The following CREM variants were observed in gnomAD, a reference collection of about 807,000 sequenced individuals.
The protein encoded by CREM is cAMP-responsive element modulator.
CREM carries 13 observed loss-of-function variants against 37.3 expected under a neutral mutation model. The ratio of observed to expected loss-of-function variants is 0.35; its 90% CI spans 0.23 to 0.55. The LOEUF (loss-of-function observed/expected upper bound fraction) is 0.55. Among genes scored for constraint, CREM ranks in the 20% least tolerant of loss-of-function variants. CREM has a pLI of 0.88. For missense variants in CREM, 296 were observed against 362.3 expected, an observed-to-expected ratio of 0.82 and a Z score of 1.49; for synonymous variants, 124 against 120.2, an observed-to-expected ratio of 1.03 and a Z score of -0.21.
chr10:35,135,134 T>G (rs2090228404), intron 1 of CREM, among the ~76,000 whole-genome samples: 1 of 152,194 alleles, frequency 6.6e-6, no homozygotes, highest in South Asian at 2.1e-4. Flanking sequence ...TGCCAACTGT[T>G]GTTTTTGTAA....
At chr10:35,138,967 T>G (rs1319425827) in intron 2 of CREM, among the ~76,000 whole-genome samples, 3 of 152,052 alleles carry the variant, frequency 2.0e-5, no homozygotes, top group Non-Finnish European at 4.4e-5. Context: ...TTTTATTAAT[T>G]TGGATCCCAG....
chr10:35,171,699 A>G (rs2093828541), intron 3 of CREM, among the ~76,000 whole-genome samples: 1 of 152,222 alleles, frequency 6.6e-6, no homozygotes, highest in Admixed American at 6.5e-5. Context: ...GAATACTTGT[A>G]GGACCCCTGG....
intron 3 of CREM, among the ~76,000 whole-genome samples, chr10:35,155,514 A>C (rs1454850837): frequency 6.6e-6 from 1 of 152,126 alleles, no homozygotes; most frequent in Non-Finnish European, 1.5e-5. Context: ...TACCACAATA[A>C]AAGATAATGA....
chr10:35,142,256 C>A (rs974550215), intron 2 of CREM, among the ~76,000 whole-genome samples: 2 of 152,044 alleles, frequency 1.3e-5, no homozygotes, highest in Admixed American at 6.5e-5. Flanking sequence ...TAAGTCTTTA[C>A]AGGAAAAAAC....
chr10:35,188,527 A>G (rs1590208430), intron 6 of CREM, 139 bp downstream of exon 6: 3 of 647,080 alleles, frequency 4.6e-6, no homozygotes, highest in East Asian at 6.3e-5. Flanking sequence ...GGCTTACAGA[A>G]GAAATATTTT....
At chr10:35,156,765 G>A (rs2092943956) in intron 3 of CREM, among the ~76,000 whole-genome samples, 1 of 152,170 alleles carries the variant, frequency 6.6e-6, no homozygotes, top group Admixed American at 6.5e-5. Context: ...GTATAGGGGA[G>A]AAAAGCCTGG....
At chr10:35,194,262 A>G (rs1169994731) in intron 6 of CREM, among the ~76,000 whole-genome samples, 2 of 152,074 alleles carry the variant, frequency 1.3e-5, no homozygotes, top group African/African-American at 4.8e-5. Flanking sequence ...AATTTCCTAT[A>G]ATGATCCAGC....
chr10:35,190,220 T>C (rs1021752757), intron 6 of CREM, among the ~76,000 whole-genome samples: 3 of 152,260 alleles, frequency 2.0e-5, no homozygotes, highest in Admixed American at 1.3e-4. Context: ...AGAATTTTCT[T>C]CCACAAGTCA....
At chr10:35,209,429 G>T (rs575549635) in intron 7 of CREM, 1 of 902,684 alleles carries the variant, frequency 1.1e-6, no homozygotes, top group South Asian at 5.1e-5. Flanking sequence ...GTTTTCCATG[G>T]CTGAGGAGTG....
intron 2 of CREM, among the ~76,000 whole-genome samples, chr10:35,140,503 A>G (rs2091270772): frequency 6.6e-6 from 1 of 152,188 alleles, no homozygotes; most frequent in Admixed American, 6.5e-5. Flanking sequence ...ACAGTTGCAC[A>G]GTCTTCCAGG....
chr10:35,163,692 G>A (rs538330944), intron 3 of CREM, among the ~76,000 whole-genome samples: 1 of 152,012 alleles, frequency 6.6e-6, no homozygotes, highest in Non-Finnish European at 1.5e-5. Flanking sequence ...ATGGTGGTGG[G>A]CACCTGTAAT....
Position 35,175,722 on chromosome 10 carries a change from G to GT in CREM, c.169-3164dup, listed in dbSNP as rs761021435. ...CTCCCGATGGTAAGTATCCTAGATA[G>GT]TTTGTCATTTCTCAGCAGCAGGAAA... is the stretch of plus-strand genomic sequence containing the variant. On this transcript the variant is annotated intron_variant, in intron 3 of 7. Coordinates refer to ENST00000685392, the MANE Select transcript of CREM (RefSeq NM_183011.2). 2,867 of 1,614,152 alleles carry GT rather than the reference G, an allele frequency of 1.8e-3. 6 individuals carry two copies. Among genetic ancestry groups the GT allele is most frequent in the Non-Finnish European group, 2.3e-3 (2,679 of 1,180,032 alleles).
chr10:35,176,053 C>T (rs2094055474), intron 3 of CREM: 9 of 1,516,442 alleles, frequency 5.9e-6, no homozygotes, highest in Non-Finnish European at 7.9e-6. Flanking sequence ...CCATTTTTTT[C>T]CTCTTTCACT....
At chr10:35,193,425 A>T (rs1301013564) in intron 6 of CREM, among the ~76,000 whole-genome samples, 1 of 152,154 alleles carries the variant, frequency 6.6e-6, no homozygotes, top group Non-Finnish European at 1.5e-5. Flanking sequence ...ATTTAAAGAA[A>T]TGCTGACATA....
chr10:35,180,767 C>T (rs1224979067), intron 5 of CREM, among the ~76,000 whole-genome samples: 1 of 152,188 alleles, frequency 6.6e-6, no homozygotes. Flanking sequence ...TGAGCCTCTA[C>T]AGCACAGCAC....
intron 7 of CREM, among the ~76,000 whole-genome samples, chr10:35,209,007 G>A (rs899782366): frequency 6.6e-6 from 1 of 152,112 alleles, no homozygotes; most frequent in Non-Finnish European, 1.5e-5. Context: ...TTACAGATGA[G>A]GACCAGAAGT....
chr10:35,156,921 C>T (rs2092950393), intron 3 of CREM, among the ~76,000 whole-genome samples: 2 of 152,078 alleles, frequency 1.3e-5, no homozygotes, highest in African/African-American at 2.4e-5. Context: ...TAAAACAATG[C>T]ATATAAAGAT....
At chr10:35,203,058 C>CT (rs1012721984) in intron 6 of CREM, among the ~76,000 whole-genome samples, 73 of 145,966 alleles carry the variant, frequency 5.0e-4, no homozygotes, top group Admixed American at 8.9e-4. Flanking sequence ...TGCTTTTTTC[C>CT]TTTTTTTTTT....
At chr10:35,179,456 A>G in intron 5 of CREM, 180 bp downstream of exon 5, 1 of 745,770 alleles carries the variant, frequency 1.3e-6, no homozygotes. Context: ...GACAGCTGTC[A>G]TATAATTTTG....
Sources: gnomAD v4.1 joint callset for allele counts (sites outside exome capture counted in the v4.1 genomes callset) on GRCh38, gnomAD v4.1.1 for gene constraint, MANE v1.5 for transcripts, NCBI Gene and HGNC (gene_info 2026-07-23, HGNC 2026-07-21) for gene names.